The following PLCB1 variants were observed in gnomAD, a reference collection of about 807,000 sequenced individuals.
The protein encoded by PLCB1 is phospholipase C beta 1, also known as 1-phosphatidylinositol 4,5-bisphosphate phosphodiesterase beta-1.
PLCB1 carries 46 observed loss-of-function variants against 161.8 expected under a neutral mutation model. The ratio of observed to expected loss-of-function variants is 0.28; its 90% CI spans 0.22 to 0.36. PLCB1 has a LOEUF of 0.36. Ranked by LOEUF, PLCB1 falls within the 10% of genes least tolerant of loss-of-function variation. The pLI is 1.00. For synonymous variants in PLCB1, 517 were observed against 503.7 expected (o/e 1.03, Z -0.35); for missense variants, 1,016 against 1,472.5 (o/e 0.69, Z 5.07).
intron 16 of PLCB1, among the ~76,000 whole-genome samples, chr20:8,726,211 T>G (rs906827117): frequency 3.3e-5 from 5 of 152,144 alleles, no homozygotes; most frequent in Non-Finnish European, 7.4e-5. Context: ...TCTAAAATAC[T>G]GCTCATAATT....
chr20:8,327,353 A>G (rs112336411), intron 2 of PLCB1, among the ~76,000 whole-genome samples: 2,243 of 152,222 alleles, frequency 0.015, 26 homozygotes, highest in Non-Finnish European at 0.026. Context: ...AGTTGTGGGG[A>G]GGGAGAAGAA....
At chr20:8,657,430 G>GATC in intron 8 of PLCB1, 146 bp downstream of exon 8, 1 of 643,666 alleles carries the variant, frequency 1.6e-6, no homozygotes, top group Non-Finnish European at 2.8e-6. Context: ...TTTTGGATAG[G>GATC]ATCACACAAT....
intron 31 of PLCB1, among the ~76,000 whole-genome samples, chr20:8,800,439 T>TCA (rs10556991): frequency 6.6e-5 from 10 of 151,184 alleles, no homozygotes; most frequent in Admixed American, 1.3e-4. Flanking sequence ...TTTTAAAGAG[T>TCA]CACACACACA....
chr20:8,133,602 C>A (rs2122994502), intron 1 of PLCB1, among the ~76,000 whole-genome samples: 1 of 152,338 alleles, frequency 6.6e-6, no homozygotes, highest in African/African-American at 2.4e-5. Flanking sequence ...TCCCCTTCCC[C>A]TCTACCCCAG....
chr20:8,446,256 A>G (rs558863767), intron 3 of PLCB1, among the ~76,000 whole-genome samples: 15 of 152,352 alleles, frequency 9.8e-5, no homozygotes, highest in Middle Eastern at 3.4e-3. Flanking sequence ...GGTTCAACAT[A>G]TGCAAATCAA....
chr20:8,416,583 G>T (rs549322808), intron 3 of PLCB1, among the ~76,000 whole-genome samples: 1 of 152,104 alleles, frequency 6.6e-6, no homozygotes, highest in Non-Finnish European at 1.5e-5. Context: ...TTGCAAGGGA[G>T]CATGGTTTAT....
intron 2 of PLCB1, among the ~76,000 whole-genome samples, chr20:8,251,569 G>T (rs1981147646): frequency 6.6e-6 from 1 of 151,942 alleles, no homozygotes; most frequent in African/African-American, 2.4e-5. Context: ...AGTGACTGCA[G>T]CTGAGGCATG....
At chr20:8,486,557 G>A (rs1054870744) in intron 3 of PLCB1, among the ~76,000 whole-genome samples, 5 of 134,330 alleles carry the variant, frequency 3.7e-5, no homozygotes, top group African/African-American at 1.5e-4. Flanking sequence ...CTGCAGTGGC[G>A]CAATCTCGGC....
intron 9 of PLCB1, among the ~76,000 whole-genome samples, chr20:8,673,113 AAAATAAATAAATAAAT>A (rs145820624): frequency 1.6e-4 from 24 of 146,786 alleles, no homozygotes; most frequent in African/African-American, 3.3e-4. Flanking sequence ...GTCCATCCCA[AAAATAAATAAATAAAT>A]AAATAAATAA....
intron 3 of PLCB1, among the ~76,000 whole-genome samples, chr20:8,589,610 CTTTTTTTTTTT>C (rs71183102): frequency 2.5e-5 from 2 of 80,106 alleles, no homozygotes; most frequent in African/African-American, 1.0e-4. Flanking sequence ...CAATCTCTCT[CTTTTTTTTTTT>C]TTTTTTTTTT....
chr20:8,663,543 G>C (rs1226985082), intron 9 of PLCB1, among the ~76,000 whole-genome samples: 5 of 152,114 alleles, frequency 3.3e-5, no homozygotes, highest in Non-Finnish European at 5.9e-5. Context: ...TAATTAGCAT[G>C]TCAGCCACAT....
intron 9 of PLCB1, among the ~76,000 whole-genome samples, chr20:8,668,047 A>G (rs1568553552): frequency 6.6e-6 from 1 of 152,132 alleles, no homozygotes. Flanking sequence ...GAGAGAGGCC[A>G]CAGGCGTTTG....
At chr20:8,518,352 T>A (rs930383833) in intron 3 of PLCB1, among the ~76,000 whole-genome samples, 1 of 152,112 alleles carries the variant, frequency 6.6e-6, no homozygotes, top group Non-Finnish European at 1.5e-5. Flanking sequence ...CAATACTATA[T>A]GTTTAGAATT....
chr20:8,864,100 G>A (rs1455613954), intron 31 of PLCB1, among the ~76,000 whole-genome samples: 3 of 152,150 alleles, frequency 2.0e-5, no homozygotes, highest in Admixed American at 6.5e-5. Context: ...ACAATTCAGA[G>A]TTCTTATTAT....
At chr20:8,564,994 C>A (rs12624673) in intron 3 of PLCB1, among the ~76,000 whole-genome samples, 2 of 152,112 alleles carry the variant, frequency 1.3e-5, no homozygotes, top group East Asian at 1.9e-4. Context: ...TGGGTATATA[C>A]GCAAAGGATT....
intron 1 of PLCB1, among the ~76,000 whole-genome samples, chr20:8,136,168 G>A (rs2051345142): frequency 6.6e-6 from 1 of 152,072 alleles, no homozygotes; most frequent in Non-Finnish European, 1.5e-5. Flanking sequence ...ATCTTACTGT[G>A]GGCAGGTTGC....
chr20:8,313,382 G>A (rs1984495730), intron 2 of PLCB1, among the ~76,000 whole-genome samples: 2 of 151,922 alleles, frequency 1.3e-5, no homozygotes, highest in Non-Finnish European at 2.9e-5. Flanking sequence ...GCCACTCTGA[G>A]CATGTTCTCA....
chr20:8,238,419 A>T (rs1157360373), intron 2 of PLCB1, among the ~76,000 whole-genome samples: 2 of 151,974 alleles, frequency 1.3e-5, no homozygotes, highest in African/African-American at 4.8e-5. Flanking sequence ...AACCCAGGGG[A>T]TGCTCTTCTC....
chr20:8,153,124 A>G (rs539707176), intron 2 of PLCB1, among the ~76,000 whole-genome samples: 36 of 152,332 alleles, frequency 2.4e-4, no homozygotes, highest in Admixed American at 3.9e-4. Context: ...ATTAAAAACT[A>G]AAGCTAGCGA....
Sources: gnomAD v4.1 joint callset for allele counts (sites outside exome capture counted in the v4.1 genomes callset) on GRCh38, gnomAD v4.1.1 for gene constraint, MANE v1.5 for transcripts, NCBI Gene and HGNC (gene_info 2026-07-23, HGNC 2026-07-21) for gene names.